RANBP2: variants seen among roughly 807,000 people sequenced by gnomAD.
The protein encoded by RANBP2 is RAN binding protein 2, also known as E3 SUMO-protein ligase RanBP2.
Under a neutral mutation model 303.6 loss-of-function variants are expected in RANBP2, and 57 were observed. The ratio of observed to expected loss-of-function variants is 0.19; its 90% CI spans 0.15 to 0.23. The LOEUF (loss-of-function observed/expected upper bound fraction) is 0.23. Ranked by LOEUF, RANBP2 falls within the 10% of genes least tolerant of loss-of-function variation. The pLI is 1.00. For synonymous variants in RANBP2, 1,167 were observed against 1,301.5 expected (o/e 0.90, Z 2.23); for missense variants, 3,138 against 3,780.8 (o/e 0.83, Z 4.46).
chr2:109,594,961 A>AT, the RANBP2 span: 1 of 151,644 alleles, frequency 6.6e-6, no homozygotes, highest in Non-Finnish European at 1.5e-5. Flanking sequence ...AATCTCAGCT[A>AT]TTGCAACCTC....
chr2:109,501,295 A>G, the RANBP2 span, among the ~76,000 whole-genome samples: 1 of 152,244 alleles, frequency 6.6e-6, no homozygotes, highest in African/African-American at 2.4e-5. Flanking sequence ...AAAGGACAGC[A>G]GGGGGAAATG....
At chr2:108,965,728 A>G in the RANBP2 span, among the ~76,000 whole-genome samples, 1 of 151,702 alleles carries the variant, frequency 6.6e-6, no homozygotes, top group Middle Eastern at 3.4e-3. Flanking sequence ...GATGTAGGAG[A>G]GGTGTGACTG....
chr2:108,794,796 A>G, the RANBP2 span: 8 of 65,854 alleles, frequency 1.2e-4, no homozygotes, highest in Non-Finnish European at 1.9e-4. Flanking sequence ...AAATTTGAAT[A>G]TAATATATTT....
chr2:109,066,351 C>G, the RANBP2 span, among the ~76,000 whole-genome samples: 2 of 152,160 alleles, frequency 1.3e-5, no homozygotes, highest in South Asian at 4.1e-4. Context: ...TCGTGATCTG[C>G]CCACCTCGGC....
At chr2:108,760,291 T>G (rs535343158) in intron 18 of RANBP2, among the ~76,000 whole-genome samples, 1 of 152,306 alleles carries the variant, frequency 6.6e-6, no homozygotes, top group South Asian at 2.1e-4. Flanking sequence ...GTATTTTTTA[T>G]GAGATTGTTA....
Position 108,768,277 on chromosome 2 carries a change from T to C in RANBP2, c.7738T>C (p.Ser2580Pro), listed in dbSNP as rs758850085. ...AGTGGAACCTAAAAAATGTGAACTG[T>C]CAAAGAACTCTGATATCGAACAGTC... ...SKVEPKKCEL[S>P]KNSDIEQSSD... The change falls in exon 20 of 29, where the codon TCA becomes CCA. Residue 2580 changes from serine to proline, a missense_variant. Transcript: ENST00000283195. 6.2e-7 allele frequency: 1 copy of C among 1,611,888 alleles called. No individual in the cohort carries two copies. The highest frequency in any genetic ancestry group is 1.3e-5 in the African/African-American group (1 of 74,848).
At chr2:109,428,499 C>T in the RANBP2 span, among the ~76,000 whole-genome samples, 23 of 152,194 alleles carry the variant, frequency 1.5e-4, no homozygotes, top group African/African-American at 4.1e-4. Flanking sequence ...TGCACCGTCC[C>T]GGGTGTGGTG....
the RANBP2 span, among the ~76,000 whole-genome samples, chr2:108,797,347 A>G: frequency 3.3e-5 from 5 of 152,210 alleles, no homozygotes; most frequent in Non-Finnish European, 7.4e-5. Context: ...AGTTGGAGGA[A>G]AGAGACGGCA....
At chr2:109,271,486 A>G in the RANBP2 span, among the ~76,000 whole-genome samples, 4 of 152,234 alleles carry the variant, frequency 2.6e-5, no homozygotes, top group Non-Finnish European at 5.9e-5. Flanking sequence ...CCGTAAATCA[A>G]CGTGAGACTT....
the RANBP2 span, among the ~76,000 whole-genome samples, chr2:109,621,533 T>C: frequency 5.9e-5 from 9 of 152,232 alleles, no homozygotes; most frequent in African/African-American, 2.2e-4. Flanking sequence ...AAACTTTGAA[T>C]ATAATAGTTT....
intron 23 of RANBP2, 128 bp from the exon 24 acceptor site, chr2:108,775,604 G>C (rs1677825199): frequency 2.3e-6 from 2 of 880,296 alleles, no homozygotes; most frequent in Admixed American, 3.9e-5. Context: ...AGGAGAGATA[G>C]GGTGAAGTGT....
the RANBP2 span, among the ~76,000 whole-genome samples, chr2:109,416,574 G>A: frequency 4.0e-5 from 6 of 151,626 alleles, no homozygotes; most frequent in African/African-American, 1.5e-4. Context: ...TAGTAGAGAC[G>A]GGGTTTCACC....
chr2:109,330,990 G>A, the RANBP2 span, among the ~76,000 whole-genome samples: 1 of 152,184 alleles, frequency 6.6e-6, no homozygotes, highest in Non-Finnish European at 1.5e-5. Context: ...ATTAGTTCAT[G>A]GTCTAAGTCC....
chr2:109,460,143 C>T, the RANBP2 span, among the ~76,000 whole-genome samples: 1 of 152,222 alleles, frequency 6.6e-6, no homozygotes, highest in Non-Finnish European at 1.5e-5. Flanking sequence ...GAGTGAGCTC[C>T]TCAGTCAGAA....
At chr2:109,314,328 C>T in the RANBP2 span, among the ~76,000 whole-genome samples, 2,879 of 152,168 alleles carry the variant, frequency 0.019, 49 homozygotes, top group Non-Finnish European at 0.032. Context: ...CTCAGTTATC[C>T]CAAAGGCTCA....
chr2:109,506,869 C>T, the RANBP2 span, among the ~76,000 whole-genome samples: 4 of 152,098 alleles, frequency 2.6e-5, no homozygotes, highest in East Asian at 3.9e-4. Flanking sequence ...ATGGGGAAAC[C>T]GAGGCACCAC....
At chr2:109,656,314 C>T in the RANBP2 span, among the ~76,000 whole-genome samples, 2 of 152,094 alleles carry the variant, frequency 1.3e-5, no homozygotes, top group Non-Finnish European at 2.9e-5. Context: ...TAATTTGCAA[C>T]TCCTTTTCTT....
chr2:109,614,595 C>T, the RANBP2 span: 18 of 1,439,720 alleles, frequency 1.3e-5, no homozygotes, highest in Non-Finnish European at 1.6e-5. Flanking sequence ...CGAGCTGGTG[C>T]AGCACTTCAG....
the RANBP2 span, among the ~76,000 whole-genome samples, chr2:109,071,168 G>A: frequency 6.6e-6 from 1 of 152,164 alleles, no homozygotes; most frequent in Non-Finnish European, 1.5e-5. Flanking sequence ...TCATGGCTTT[G>A]AGATACATTC....
Sources: allele counts gnomAD v4.1 joint callset (sites outside exome capture counted in the v4.1 genomes callset), GRCh38; gene constraint gnomAD v4.1.1; transcripts MANE v1.5; gene names NCBI Gene and HGNC (gene_info 2026-07-23, HGNC 2026-07-21).